The following COX20 variants were observed in gnomAD, a reference collection of about 807,000 sequenced individuals.
COX20 encodes cytochrome c oxidase assembly protein COX20, mitochondrial.
In COX20, 14 loss-of-function variants were observed where a neutral mutation model predicts 14.3. That is an observed-to-expected ratio of 0.98 (90% CI 0.65 to 1.53). COX20 has a LOEUF of 1.53. COX20 is among the 40% of genes most tolerant of loss of function. The pLI is 0.00. For missense variants in COX20, 149 were observed against 142.1 expected, an observed-to-expected ratio of 1.05 and a Z score of -0.25; for synonymous variants, 56 against 51.7, an observed-to-expected ratio of 1.08 and a Z score of -0.36.
At chr1:244,840,016 A>ATTTTAGACCAGAGT (rs1003598979) in intron 1 of COX20, 3 of 152,186 alleles carry the variant, frequency 2.0e-5, no homozygotes. Context: ...AACCACTATT[A>ATTTTAGACCAGAGT]TTTTAGACCA....
At chr1:244,842,634 ATATGTATGTAC>A (rs1161164929) in intron 3 of COX20, 2 of 227,612 alleles carry the variant, frequency 8.8e-6, no homozygotes, top group Admixed American at 5.9e-5. Context: ...TAAGAGTATG[ATATGTATGTAC>A]TATATGGTTC....
intron 2 of COX20, 34 bp downstream of exon 2, chr1:244,842,092 TA>T (rs761779060): frequency 2.9e-5 from 45 of 1,533,892 alleles, no homozygotes; most frequent in Non-Finnish European, 3.7e-5. Context: ...CTCTATGTAC[TA>T]AAAAAAGCAT....
intron 1 of COX20, among the ~76,000 whole-genome samples, chr1:244,837,089 T>C (rs540885014): frequency 2.2e-4 from 33 of 151,804 alleles, no homozygotes; most frequent in African/African-American, 7.7e-4. Context: ...ATAAAGGTGG[T>C]TTAATCCATT....
intron 1 of COX20, chr1:244,836,473 CCAT>C: frequency 6.5e-7 from 1 of 1,550,046 alleles, no homozygotes. Context: ...CGTACTTTCC[CCAT>C]CTTCCCAGGC....
At position 244,840,980 on chromosome 1, in the gene COX20, TAAATC is replaced by T. The variant is rs762449282; in HGVS notation, c.43-961_43-957del. On this transcript the variant is annotated intron_variant, in intron 1 of 3. Transcript: ENST00000411948. ...CCTTACTGAAAATTTTATATACACT[TAAATC>T]AAGTAACAGTTACCGTGAGTTTTCT... 9.2e-5 allele frequency: 14 copies of T among 152,342 alleles called. No individual in the cohort carries two copies. In the South Asian group the frequency reaches 1.0e-3, roughly 11 times the overall value. 9.4% of individuals were successfully genotyped at this position (152,342 alleles called of 1,614,324 possible). A position where few individuals can be genotyped will look rare whatever the true frequency, so the allele number is the denominator to read the frequency against.
intron 1 of COX20, chr1:244,836,371 T>C (rs1679984655): frequency 1.2e-6 from 1 of 813,052 alleles, no homozygotes; most frequent in South Asian, 1.5e-5. Context: ...CCATCCTATC[T>C]CTTTAAGGAT....
rs931630172 is a variant in COX20, at chr1:244,835,766, G to A, written c.42+10G>A. ...GCCCGAGGAGAGGAAGGTAACCTGG[G>A]GGTCGGCGGGGCGCGCGCCGCGGGT... On this transcript the variant is annotated intron_variant, in intron 1 of 3. Transcript: ENST00000411948. The A allele has an allele frequency of 8.0e-7, 1 of 1,255,078 alleles. No individual in the cohort carries two copies. Among genetic ancestry groups the A allele is most frequent in the Non-Finnish European group, 1.0e-6 (1 of 998,114 alleles). 77.7% of individuals were successfully genotyped at this position (1,255,078 alleles called of 1,614,324 possible).
chr1:244,842,969 T>G, intron 3 of COX20, 72 bp from the exon 4 acceptor site: 1 of 1,161,078 alleles, frequency 8.6e-7, no homozygotes, highest in Non-Finnish European at 1.2e-6. Flanking sequence ...TTTGTGTGAT[T>G]TAGAGAAATT....
At position 244,841,924 on chromosome 1, in the gene COX20, G is replaced by GT; in HGVS notation, c.43-18dup. 2 of 1,427,178 alleles carry GT rather than the reference G, an allele frequency of 1.4e-6. No homozygotes were observed. The highest frequency in any genetic ancestry group is 1.9e-6 in the Non-Finnish European group (2 of 1,028,278). The allele number at this position is 1,427,178 out of a possible 1,614,324, so 88.4% of individuals were successfully genotyped here. ...TGAAATACTTTCTTACTCAATCTAG[G>GT]TTCTTTTTTTTCATTCTAGTCCCTT... On this transcript the variant is annotated intron_variant, in intron 1 of 3. Transcript: ENST00000411948.
chr1:244,842,628 A>ACTATAT (rs1680253157), intron 3 of COX20: 34 of 272,432 alleles, frequency 1.2e-4, no homozygotes, highest in Non-Finnish European at 2.4e-4. Context: ...CAGACCTAAG[A>ACTATAT]GTATGATATG....
chr1:244,839,727 C>T (rs893136291), intron 1 of COX20: 23 of 152,228 alleles, frequency 1.5e-4, no homozygotes, highest in African/African-American at 4.6e-4. Flanking sequence ...TGTACTGAAT[C>T]TTATTACTCC....
At chr1:244,840,180 G>GT (rs768857266) in intron 1 of COX20, 1 of 152,164 alleles carries the variant, frequency 6.6e-6, no homozygotes, top group Non-Finnish European at 1.5e-5. Context: ...TCCTAAAGCA[G>GT]TGTTTCCCCA....
At chr1:244,842,767 T>C (rs547659920) in intron 3 of COX20, 1 of 284,630 alleles carries the variant, frequency 3.5e-6, no homozygotes, top group Non-Finnish European at 6.5e-6. Context: ...TTTCTTATAA[T>C]AGCCAATGCT....
chr1:244,841,931 T>A lies in COX20; in HGVS notation c.43-13T>A. Reference sequence around the variant, plus strand: ...CTTTCTTACTCAATCTAGGTTCTTTTTTTTCATTCTAGTCCCTTAAGCTCC... The same window carrying A: ...CTTTCTTACTCAATCTAGGTTCTTTATTTTCATTCTAGTCCCTTAAGCTCC... On this transcript the variant is annotated splice_polypyrimidine_tract_variant and intron_variant, in intron 1 of 3. Transcript: ENST00000411948. 6.6e-7 allele frequency: 1 copy of A among 1,513,596 alleles called. No homozygotes were observed. The highest frequency in any genetic ancestry group is 9.0e-7 in the Non-Finnish European group (1 of 1,107,172). 93.8% of individuals were successfully genotyped at this position (1,513,596 alleles called of 1,614,324 possible).
chr1:244,843,545 A>G lies in COX20; in HGVS notation c.*369A>G, dbSNP rs1680301471. On this transcript the variant is annotated 3_prime_UTR_variant, in exon 4 of 4. Transcript: ENST00000411948. The stretch of plus-strand genomic sequence containing the variant: ...CCTCAACCTTATTACTATCCCATTA[A>G]AAAACAGCAAATACTTACTGAGTTC... 6.1e-6 allele frequency: 1 copy of G among 163,504 alleles called. No individual in the cohort carries two copies. Among genetic ancestry groups the G allele is most frequent in the Admixed American group, 6.4e-5 (1 of 15,604 alleles). 10.1% of individuals were successfully genotyped at this position (163,504 alleles called of 1,614,324 possible). A position where few individuals can be genotyped will look rare whatever the true frequency, so the allele number is the denominator to read the frequency against.
At chr1:244,836,491 T>G in intron 1 of COX20, 2 of 1,550,584 alleles carry the variant, frequency 1.3e-6, no homozygotes, top group Non-Finnish European at 1.7e-6. Context: ...CCAGGCATCT[T>G]GTACGTCGTT....
chr1:244,840,887 A>G (rs977617803), intron 1 of COX20: 3 of 152,190 alleles, frequency 2.0e-5, no homozygotes, highest in Non-Finnish European at 4.4e-5. Context: ...GTCCTGCCCC[A>G]AACAATACTA....
Position 244,842,034 on chromosome 1 carries a change from G to A in COX20, c.133G>A (p.Gly45Ser), listed in dbSNP as rs750502106. 14 of 1,609,458 alleles carry A rather than the reference G, an allele frequency of 8.7e-6. No homozygotes were observed. Among genetic ancestry groups the A allele is most frequent in the Non-Finnish European group, 1.2e-5 (14 of 1,176,376 alleles). Residue 45 changes from glycine to serine, a missense_variant, in exon 2 of 4, where the codon GGC becomes AGC. Gly to Ser is a moderately conservative substitution (Grantham distance 56). Transcript: ENST00000411948. ...TGGTTCATTAGGATCTGTTGTGGCT[G>A]GCTTTGGACATTTTTTGTTCACTAG... Reference protein sequence around the residue: ...LYGSLGSVVAGFGHFLFTSRI... With the variant: ...LYGSLGSVVASFGHFLFTSRI...
intron 3 of COX20, 95 bp from the exon 4 acceptor site, chr1:244,842,946 T>C (rs532347642): frequency 1.3e-5 from 12 of 952,896 alleles, no homozygotes; most frequent in African/African-American, 1.2e-4. Context: ...GTAGTAGTCA[T>C]CTGTATTTAA....
Sources: allele counts gnomAD v4.1 joint callset (sites outside exome capture counted in the v4.1 genomes callset), GRCh38; gene constraint gnomAD v4.1.1; transcripts MANE v1.5; gene names NCBI Gene and HGNC (gene_info 2026-07-23, HGNC 2026-07-21).